CLASP2: variants seen among roughly 807,000 people sequenced by gnomAD.
CLASP2 encodes CLIP-associating protein 2.
A neutral mutation model predicts 194.4 loss-of-function variants in CLASP2; 47 were observed. The ratio of observed to expected loss-of-function variants is 0.24; its 90% CI spans 0.19 to 0.31. The LOEUF (loss-of-function observed/expected upper bound fraction) is 0.31. Among genes scored for constraint, CLASP2 ranks in the 10% least tolerant of loss-of-function variants. The pLI is 1.00. For missense variants in CLASP2, 1,445 were observed against 1,823.6 expected (o/e 0.79, Z 3.78); for synonymous variants, 619 against 633.5 (o/e 0.98, Z 0.34).
chr3:33,689,884 C>T lies in CLASP2; in HGVS notation c.323G>A (p.Arg108Gln), dbSNP rs367913700. 345 of 1,600,202 alleles carry T rather than the reference C, an allele frequency of 2.2e-4. No homozygotes were observed. Among genetic ancestry groups the T allele is most frequent in the Non-Finnish European group, 2.9e-4 (339 of 1,173,818 alleles). Reference sequence around the variant, plus strand: ...CAATATCAGAGTCTGAGCTTCATCTCGAACCTTGTCTTTGGCATCTCCCAT... The same window carrying T: ...CAATATCAGAGTCTGAGCTTCATCTTGAACCTTGTCTTTGGCATCTCCCAT... ...DRMGDAKDKV[R>Q]DEAQTLILKL... is the part of the protein sequence containing the mutation. The change falls in exon 3 of 39, where the codon CGA (arginine) becomes CAA (glutamine). Residue 108 changes from arginine (R) to glutamine (Q), a missense_variant. Coordinates refer to ENST00000682230, the MANE Select transcript of CLASP2 (RefSeq NM_001365631.1).
At chr3:33,689,421 G>A (rs1210842103) in intron 3 of CLASP2, among the ~76,000 whole-genome samples, 4 of 151,672 alleles carry the variant, frequency 2.6e-5, no homozygotes, top group Non-Finnish European at 5.9e-5. Flanking sequence ...AAAATATTTG[G>A]GAAAACATAG....
chr3:33,683,556 CG>C (rs1232952709), intron 6 of CLASP2: 1 of 151,404 alleles, frequency 6.6e-6, no homozygotes, highest in Non-Finnish European at 1.5e-5. Context: ...TGCAGTAAGC[CG>C]AGATCGTAAC....
At chr3:33,565,662 T>C (rs2062595851) in intron 27 of CLASP2, among the ~76,000 whole-genome samples, 1 of 150,620 alleles carries the variant, frequency 6.6e-6, no homozygotes, top group Non-Finnish European at 1.5e-5. Flanking sequence ...AAAATACAAA[T>C]TTAGCTGGGC....
chr3:33,658,658 C>T (rs1221437458), intron 7 of CLASP2, among the ~76,000 whole-genome samples: 6 of 152,200 alleles, frequency 3.9e-5, no homozygotes, highest in African/African-American at 1.4e-4. Flanking sequence ...AATGTTCTTC[C>T]TCTAAGCTTC....
At chr3:33,646,205 CTA>C (rs1229181212) in intron 7 of CLASP2, among the ~76,000 whole-genome samples, 4 of 151,002 alleles carry the variant, frequency 2.6e-5, no homozygotes, top group African/African-American at 7.3e-5. Context: ...AGAAAAATAA[CTA>C]TTTTTAATAT....
At chr3:33,511,091 G>A (rs2049622140) in intron 36 of CLASP2, among the ~76,000 whole-genome samples, 1 of 148,668 alleles carries the variant, frequency 6.7e-6, no homozygotes, top group Non-Finnish European at 1.5e-5. Flanking sequence ...GGAGTGCAGT[G>A]GCTTGATCAT....
chr3:33,604,062 G>T (rs145211176), intron 17 of CLASP2, 92 bp downstream of exon 17: 9 of 927,542 alleles, frequency 9.7e-6, no homozygotes, highest in African/African-American at 6.7e-5. Context: ...CAAGTAAAAC[G>T]ATCTTTTCAC....
At chr3:33,712,901 G>A (rs1236072313) in intron 1 of CLASP2, among the ~76,000 whole-genome samples, 1 of 151,328 alleles carries the variant, frequency 6.6e-6, no homozygotes, top group Non-Finnish European at 1.5e-5. Context: ...GGTGGAGGTT[G>A]CAGTGTGCTG....
rs759984721 is a variant in CLASP2, at chr3:33,551,248, A to G, written c.3153+4T>C. 1 of 1,610,270 alleles carries G rather than the reference A, an allele frequency of 6.2e-7. No individual in the cohort carries two copies. Among genetic ancestry groups the G allele is most frequent in the Admixed American group, 1.7e-5 (1 of 59,540 alleles). Reference sequence around the variant, plus strand: ...TATCTTCTAAACCTCATATTAAAATATACCTTCCGAACATCAGAACTTTTG... The same window carrying G: ...TATCTTCTAAACCTCATATTAAAATGTACCTTCCGAACATCAGAACTTTTG... On this transcript the variant is annotated splice_donor_region_variant and intron_variant, in intron 30 of 38. Transcript: ENST00000682230.
At chr3:33,710,435 T>C (rs1219055655) in intron 1 of CLASP2, among the ~76,000 whole-genome samples, 4 of 152,194 alleles carry the variant, frequency 2.6e-5, no homozygotes, top group African/African-American at 7.2e-5. Context: ...TTTAAAGGCA[T>C]AGTGGCTCAT....
At chr3:33,530,383 C>A (rs1200269650) in intron 34 of CLASP2, among the ~76,000 whole-genome samples, 1 of 152,118 alleles carries the variant, frequency 6.6e-6, no homozygotes, top group Non-Finnish European at 1.5e-5. Context: ...GGTAGGAGAA[C>A]AGCTTCAGCC....
chr3:33,607,530 C>A, intron 14 of CLASP2, 69 bp from the exon 15 acceptor site: 2 of 1,038,034 alleles, frequency 1.9e-6, no homozygotes, highest in South Asian at 1.6e-5. Flanking sequence ...GTACTTAAGG[C>A]CTATATGTTA....
chr3:33,570,885 AAAAG>A, intron 25 of CLASP2, 95 bp from the exon 26 acceptor site: 4 of 1,218,738 alleles, frequency 3.3e-6, no homozygotes, highest in Non-Finnish European at 4.5e-6. Context: ...AAAAAAAAAA[AAAAG>A]GTTAGGTTGG....
chr3:33,543,457 G>A lies in CLASP2; in HGVS notation c.3380C>T (p.Thr1127Ile). 6.2e-7 allele frequency: 1 copy of A among 1,605,112 alleles called. No individual in the cohort carries two copies. Among genetic ancestry groups the A allele is most frequent in the African/African-American group, 1.3e-5 (1 of 74,836 alleles). ...CCTTGGAGATAAAGTATTCTGTGAT[G>A]TATTGGTAGGAGAAGTAAGAGGACT... is the stretch of plus-strand genomic sequence containing the variant. The part of the protein sequence containing the change: ...WSSPLTSPTN[T>I]SQNTLSPSAF... Residue 1127 changes from threonine (T) to isoleucine (I), a missense_variant, in exon 32 of 39, where the codon ACA becomes ATA. Coordinates refer to ENST00000682230, the MANE Select transcript of CLASP2 (RefSeq NM_001365631.1).
intron 33 of CLASP2, among the ~76,000 whole-genome samples, chr3:33,536,149 C>T (rs1432457913): frequency 1.3e-5 from 2 of 151,228 alleles, no homozygotes; most frequent in African/African-American, 4.9e-5. Context: ...TTACTATGCA[C>T]ATATTATATG....
intron 32 of CLASP2, among the ~76,000 whole-genome samples, chr3:33,541,531 T>C (rs1338954412): frequency 6.6e-6 from 1 of 152,184 alleles, no homozygotes; most frequent in African/African-American, 2.4e-5. Flanking sequence ...TTCCCCTCTA[T>C]GTGTTCATGT....
chr3:33,586,538 G>A (rs2067415349), intron 21 of CLASP2, among the ~76,000 whole-genome samples: 1 of 152,058 alleles, frequency 6.6e-6, no homozygotes, highest in Admixed American at 6.6e-5. Flanking sequence ...TTTAAAAAAA[G>A]TTTTAAAAAC....
At chr3:33,620,654 T>C (rs1411252446) in intron 11 of CLASP2, among the ~76,000 whole-genome samples, 1 of 152,226 alleles carries the variant, frequency 6.6e-6, no homozygotes, top group South Asian at 2.1e-4. Flanking sequence ...TGAGTTTTAC[T>C]TTGGTAGGCA....
At chr3:33,580,478 G>A (rs1420426038) in intron 23 of CLASP2, among the ~76,000 whole-genome samples, 6 of 152,028 alleles carry the variant, frequency 3.9e-5, no homozygotes, top group Non-Finnish European at 7.4e-5. Context: ...CAGGAGAATC[G>A]ATTGAACCTG....
Sources: gnomAD v4.1 joint callset for allele counts (sites outside exome capture counted in the v4.1 genomes callset) on GRCh38, gnomAD v4.1.1 for gene constraint, MANE v1.5 for transcripts, NCBI Gene and HGNC (gene_info 2026-07-23, HGNC 2026-07-21) for gene names.